Variants in IFNGR2 observed in about 807,000 individuals in gnomAD.
The protein encoded by IFNGR2 is IFN-gamma receptor 2.
A neutral mutation model predicts 41.1 loss-of-function variants in IFNGR2; 15 were observed. That is an observed-to-expected ratio of 0.37 (90% CI 0.24 to 0.56). IFNGR2 has a LOEUF of 0.56. Ranked by LOEUF, IFNGR2 falls within the 20% of genes least tolerant of loss-of-function variation. The pLI is 0.81. For missense variants in IFNGR2, 362 were observed against 415.7 expected (o/e 0.87, Z 1.12); for synonymous variants, 161 against 171.6 (o/e 0.94, Z 0.48).
intron 3 of IFNGR2, among the ~76,000 whole-genome samples, chr21:33,425,454 AGTGGCCAGCT>A (rs1274778064): frequency 6.6e-6 from 1 of 152,196 alleles, no homozygotes; most frequent in African/African-American, 2.4e-5. Flanking sequence ...TCAGCCGTGC[AGTGGCCAGCT>A]GTGGCTGGTG....
chr21:33,427,091 A>T, intron 4 of IFNGR2, 59 bp downstream of exon 4: 1 of 1,465,444 alleles, frequency 6.8e-7, no homozygotes, highest in Non-Finnish European at 9.6e-7. Context: ...CTGGCTTAGC[A>T]AAAGAAAGAA....
At chr21:33,427,541 T>C (rs1371482718) in intron 4 of IFNGR2, among the ~76,000 whole-genome samples, 2 of 152,104 alleles carry the variant, frequency 1.3e-5, no homozygotes, top group African/African-American at 4.8e-5. Context: ...TGCAGGTGCT[T>C]AGATTGGTCA....
chr21:33,419,926 C>T (rs766386527), intron 2 of IFNGR2, among the ~76,000 whole-genome samples: 8 of 152,148 alleles, frequency 5.3e-5, no homozygotes, highest in African/African-American at 9.6e-5. Context: ...AGGAGCGGGG[C>T]GGTTAGAGGG....
At chr21:33,434,205 G>A (rs1345092485) in intron 6 of IFNGR2, among the ~76,000 whole-genome samples, 1 of 152,174 alleles carries the variant, frequency 6.6e-6, no homozygotes, top group Non-Finnish European at 1.5e-5. Flanking sequence ...GGGATCAGAG[G>A]CGAGCTGAGA....
At chr21:33,417,879 A>G (rs915664681) in intron 2 of IFNGR2, among the ~76,000 whole-genome samples, 1 of 152,108 alleles carries the variant, frequency 6.6e-6, no homozygotes, top group Non-Finnish European at 1.5e-5. Context: ...TGCTTCTAAA[A>G]ATGGGATAAA....
chr21:33,410,750 G>A (rs553733248), intron 1 of IFNGR2: 2 of 927,230 alleles, frequency 2.2e-6, no homozygotes, highest in East Asian at 5.3e-5. Context: ...TTACAGGCGT[G>A]AGCCACCACG....
At position 33,436,887 on chromosome 21, in the gene IFNGR2, G is replaced by A. The variant is rs138655852; in HGVS notation, c.939G>A (p.Lys313=). The A allele has an allele frequency of 5.8e-5, 94 of 1,613,940 alleles. 1 individual carries two copies. The African/African-American group carries it at 9.5e-4, about 16-fold the overall frequency. ...CCTTGGACAAGGACAGCTCACCAAA[G>A]GATGACGTCTGGGACTCTGTGTCCA... ...LEALDKDSSP[K]DDVWDSVSII... Residue 313 remains lysine, a synonymous_variant, in exon 7 of 7, where the codon AAG becomes AAA. Transcript: ENST00000290219.
chr21:33,434,518 T>C (rs1212415929), intron 6 of IFNGR2, among the ~76,000 whole-genome samples: 1 of 151,982 alleles, frequency 6.6e-6, no homozygotes, highest in Non-Finnish European at 1.5e-5. Context: ...CAAGACTCCA[T>C]CTCAAAAAAA....
intron 1 of IFNGR2, among the ~76,000 whole-genome samples, chr21:33,409,388 G>C (rs2083700668): frequency 6.6e-6 from 1 of 152,180 alleles, no homozygotes. Flanking sequence ...AGAATTGCTT[G>C]AACCTGGGAG....
chr21:33,403,588 C>G lies in IFNGR2; in HGVS notation c.45C>G (p.Val15=), dbSNP rs2123322539. ...LLWSLLLLLG[V]FAAAAAAPPD... ...GGTCGCTGCTGCTGCTGCTCGGAGT[C>G]TTCGCCGCCGCCGCCGCGGCCCCGC... The change falls in exon 1 of 7, where the codon GTC becomes GTG. Residue 15 remains valine, a synonymous_variant. Transcript: ENST00000290219. 1.5e-6 allele frequency: 2 copies of G among 1,373,158 alleles called. No individual in the cohort carries two copies. The highest frequency in any genetic ancestry group is 1.6e-5 in the South Asian group (1 of 63,002). 85.1% of individuals were successfully genotyped at this position (1,373,158 alleles called of 1,614,324 possible).
At chr21:33,405,672 T>A in intron 1 of IFNGR2, among the ~76,000 whole-genome samples, 1 of 152,216 alleles carries the variant, frequency 6.6e-6, no homozygotes, top group Admixed American at 6.5e-5. Flanking sequence ...ATCTTGTTAA[T>A]GATTAACTTT....
rs1197502769 is a variant in IFNGR2 at position 33,406,392 on chromosome 21, G to C, written c.73+2776G>C. On this transcript the variant is annotated intron_variant, in intron 1 of 6. Transcript: ENST00000290219. ...TCTGTCTCAAAAAAAGAAAAAAAAA[G>C]AAAAGAAAAGTAGTGTAGTGCTTTA... 3.3e-5 allele frequency among the ~76,000 whole-genome samples: 5 copies of C among 151,182 alleles called. No homozygotes were observed. The South Asian group carries it at 1.1e-3, about 32-fold the overall frequency.
At position 33,403,551 on chromosome 21, in the gene IFNGR2, C is replaced by G. The variant is rs773084508; in HGVS notation, c.8C>G (p.Pro3Arg). 10 of 1,329,646 alleles carry G rather than the reference C, an allele frequency of 7.5e-6. No individual in the cohort carries two copies. In the South Asian group the frequency reaches 1.3e-4, roughly 17 times the overall value. The allele number at this position is 1,329,646 out of a possible 1,614,324, so 82.4% of individuals were successfully genotyped here. ...CGCCGAGCGCCCGGGGCCATGCGACCGACGCTGCTGTGGTCGCTGCTGCTG... is the reference window on the plus strand; with the variant it reads ...CGCCGAGCGCCCGGGGCCATGCGACGGACGCTGCTGTGGTCGCTGCTGCTG... MR[P>R]TLLWSLLLLL... Residue 3 changes from proline to arginine, a missense_variant, in exon 1 of 7, where the codon CCG becomes CGG. Pro to Arg is a moderately radical substitution (Grantham distance 103). Coordinates refer to ENST00000290219, the MANE Select transcript of IFNGR2 (RefSeq NM_005534.4).
chr21:33,408,139 CTG>C (rs1330671174), intron 1 of IFNGR2, among the ~76,000 whole-genome samples: 2 of 152,030 alleles, frequency 1.3e-5, no homozygotes, highest in Non-Finnish European at 2.9e-5. Context: ...ATTTTATTAT[CTG>C]TGTGTGATAA....
chr21:33,424,174 G>A (rs573935585), intron 3 of IFNGR2, among the ~76,000 whole-genome samples: 29 of 152,122 alleles, frequency 1.9e-4, no homozygotes, highest in Middle Eastern at 3.4e-3. Context: ...GATGGCACAC[G>A]ACTGTAATCC....
intron 1 of IFNGR2, chr21:33,410,858 C>T: frequency 2.6e-6 from 4 of 1,548,100 alleles, no homozygotes; most frequent in Non-Finnish European, 3.5e-6. Flanking sequence ...TGGAGACCTA[C>T]CAAGAATGGT....
chr21:33,423,185 G>A (rs17881149), intron 3 of IFNGR2, among the ~76,000 whole-genome samples: 1,522 of 150,942 alleles, frequency 0.01, 24 homozygotes, highest in African/African-American at 0.035. Flanking sequence ...GACTACAGGC[G>A]CCCGCCACCA....
At chr21:33,403,400 G>C (rs981635023), upstream of IFNGR2, 11 of 300,510 alleles carry the variant, frequency 3.7e-5, no homozygotes, top group South Asian at 2.5e-4. Context: ...CCCCTCCACC[G>C]GGACGCCCCG....
chr21:33,403,039 T>C (rs2083650556), upstream of IFNGR2: 2 of 141,706 alleles, frequency 1.4e-5, no homozygotes, highest in Admixed American at 1.4e-4. Flanking sequence ...AGCAAACATT[T>C]CGACTAAAGG....
Sources: allele counts gnomAD v4.1 joint callset (sites outside exome capture counted in the v4.1 genomes callset), GRCh38; gene constraint gnomAD v4.1.1; transcripts MANE v1.5; gene names NCBI Gene and HGNC (gene_info 2026-07-23, HGNC 2026-07-21).